Variants in RCOR1 observed in about 807,000 individuals in gnomAD.
RCOR1 encodes REST corepressor 1.
A neutral mutation model predicts 64.0 loss-of-function variants in RCOR1; 12 were observed. The observed-to-expected ratio is 0.19, with a 90% CI of 0.12 to 0.30. The LOEUF is 0.30. Among genes scored for constraint, RCOR1 ranks in the 10% least tolerant of loss-of-function variants. The pLI, the probability that RCOR1 is intolerant of heterozygous loss-of-function variation, is 1.00. For missense variants in RCOR1, 502 were observed against 621.2 expected, an observed-to-expected ratio of 0.81 and a Z score of 2.04; for synonymous variants, 279 against 227.2, an observed-to-expected ratio of 1.23 and a Z score of -2.05.
chr14:102,599,950 C>T (rs1357562499), intron 2 of RCOR1, among the ~76,000 whole-genome samples: 2 of 151,932 alleles, frequency 1.3e-5, no homozygotes, highest in Non-Finnish European at 2.9e-5. Context: ...AATACATGTG[C>T]ACATCACCAC....
intron 2 of RCOR1, among the ~76,000 whole-genome samples, chr14:102,631,932 C>G (rs752336140): frequency 4.6e-5 from 7 of 152,002 alleles, no homozygotes; most frequent in Non-Finnish European, 8.8e-5. Flanking sequence ...TCCCAAGTAG[C>G]TGGGACTACA....
At chr14:102,680,189 G>T (rs1895276280) in intron 2 of RCOR1, among the ~76,000 whole-genome samples, 1 of 150,760 alleles carries the variant, frequency 6.6e-6, no homozygotes. Flanking sequence ...TTTTATTGCT[G>T]GTATATAGAA....
chr14:102,609,831 G>T (rs544440382), intron 2 of RCOR1, among the ~76,000 whole-genome samples: 1 of 151,620 alleles, frequency 6.6e-6, no homozygotes, highest in South Asian at 2.1e-4. Flanking sequence ...AAGAAACCAG[G>T]AAGTCCTATA....
intron 2 of RCOR1, among the ~76,000 whole-genome samples, chr14:102,625,356 C>T (rs910115358): frequency 9.2e-5 from 14 of 151,562 alleles, no homozygotes; most frequent in African/African-American, 3.4e-4. Context: ...CTGCCTCAGC[C>T]TCCCGAGTAG....
chr14:102,699,756 T>A (rs959956141), intron 3 of RCOR1, among the ~76,000 whole-genome samples: 1 of 104,422 alleles, frequency 9.6e-6, no homozygotes, highest in African/African-American at 4.7e-5. Context: ...TGCTCCTTGA[T>A]TTTTTTTTTT....
At chr14:102,644,881 T>G (rs1894448510) in intron 2 of RCOR1, among the ~76,000 whole-genome samples, 1 of 152,232 alleles carries the variant, frequency 6.6e-6, no homozygotes, top group Admixed American at 6.5e-5. Flanking sequence ...AGGCTCTGGT[T>G]TCTGCTGAGA....
chr14:102,613,882 A>AT (rs1893689702), intron 2 of RCOR1, among the ~76,000 whole-genome samples: 12 of 92,414 alleles, frequency 1.3e-4, no homozygotes, highest in African/African-American at 4.7e-4. Context: ...TGAATTAACT[A>AT]TTCTTTTTTT....
At chr14:102,703,592 C>A (rs1895790151) in intron 4 of RCOR1, among the ~76,000 whole-genome samples, 1 of 152,156 alleles carries the variant, frequency 6.6e-6, no homozygotes, top group Admixed American at 6.5e-5. Flanking sequence ...ACTAAGAATT[C>A]TATATCTGAG....
At chr14:102,614,329 A>T (rs962889781) in intron 2 of RCOR1, among the ~76,000 whole-genome samples, 1 of 144,550 alleles carries the variant, frequency 6.9e-6, no homozygotes, top group Non-Finnish European at 1.5e-5. Context: ...GATTCACTCC[A>T]TTCTCCTGCC....
chr14:102,653,919 CCTTCTTT>C (rs1308783832), intron 2 of RCOR1, among the ~76,000 whole-genome samples: 18 of 139,122 alleles, frequency 1.3e-4, no homozygotes, highest in Admixed American at 2.2e-4. Context: ...TCAGGTATTT[CCTTCTTT>C]CTTTCTTTCT....
chr14:102,673,794 T>C (rs1434080066), intron 2 of RCOR1, among the ~76,000 whole-genome samples: 2 of 152,106 alleles, frequency 1.3e-5, no homozygotes, highest in African/African-American at 4.8e-5. Flanking sequence ...GTTGTGTTTT[T>C]AGTAGAGACA....
At chr14:102,607,146 TG>T (rs1486174503) in intron 2 of RCOR1, among the ~76,000 whole-genome samples, 1 of 152,122 alleles carries the variant, frequency 6.6e-6, no homozygotes, top group African/African-American at 2.4e-5. Context: ...TTGGTCAGGC[TG>T]GTCTCGAACT....
chr14:102,696,450 G>A (rs1012746598), intron 3 of RCOR1, among the ~76,000 whole-genome samples: 1 of 152,152 alleles, frequency 6.6e-6, no homozygotes, highest in Non-Finnish European at 1.5e-5. Context: ...TTGGAATGTC[G>A]GCCAGGTTGC....
At chr14:102,709,307 T>G (rs1895914078) in intron 6 of RCOR1, among the ~76,000 whole-genome samples, 1 of 152,232 alleles carries the variant, frequency 6.6e-6, no homozygotes, top group South Asian at 2.1e-4. Context: ...TCCTTAACTC[T>G]AAAATGAAGA....
At chr14:102,633,600 C>G (rs1327932059) in intron 2 of RCOR1, among the ~76,000 whole-genome samples, 2 of 152,248 alleles carry the variant, frequency 1.3e-5, no homozygotes, top group African/African-American at 4.8e-5. Flanking sequence ...ACTACAATGG[C>G]ATGATCTCAG....
At chr14:102,685,992 T>C (rs2139964956) in intron 3 of RCOR1, among the ~76,000 whole-genome samples, 1 of 152,294 alleles carries the variant, frequency 6.6e-6, no homozygotes, top group South Asian at 2.1e-4. Context: ...AGAGAAAATG[T>C]AAATATTTAG....
intron 9 of RCOR1, 70 bp downstream of exon 9, chr14:102,721,154 G>A (rs964895465): frequency 1.2e-5 from 13 of 1,069,648 alleles, no homozygotes; most frequent in African/African-American, 1.1e-4. Context: ...TAATATCGGT[G>A]TGATACATCC....
chr14:102,708,123 G>A (rs1295801494), intron 5 of RCOR1, among the ~76,000 whole-genome samples: 4 of 152,068 alleles, frequency 2.6e-5, no homozygotes, highest in Admixed American at 6.5e-5. Context: ...CCGCTACCAC[G>A]CCCGGCTAAT....
chr14:102,653,348 A>G (rs1894631318), intron 2 of RCOR1, among the ~76,000 whole-genome samples: 1 of 152,112 alleles, frequency 6.6e-6, no homozygotes, highest in Non-Finnish European at 1.5e-5. Context: ...CCTCCTGAGT[A>G]GCTGGGACCA....
Sources: allele counts gnomAD v4.1 joint callset (sites outside exome capture counted in the v4.1 genomes callset), GRCh38; gene constraint gnomAD v4.1.1; transcripts MANE v1.5; gene names NCBI Gene and HGNC (gene_info 2026-07-23, HGNC 2026-07-21).